The following TNR variants were observed in gnomAD, a reference collection of about 807,000 sequenced individuals.
TNR encodes the protein tenascin R, also known as tenascin-R.
TNR carries 45 observed loss-of-function variants against 150.4 expected under a neutral mutation model. The observed-to-expected ratio is 0.30, with a 90% CI of 0.24 to 0.38. The LOEUF (loss-of-function observed/expected upper bound fraction) is 0.38, where lower values mean the gene tolerates loss of function less well. Ranked by LOEUF, TNR falls within the 10% of genes least tolerant of loss-of-function variation. The pLI, the probability that TNR is intolerant of heterozygous loss-of-function variation, is 1.00. For missense variants in TNR, 1,544 were observed against 1,759.1 expected (o/e 0.88, Z 2.19); for synonymous variants, 687 against 678.4 (o/e 1.01, Z -0.20).
intron 1 of TNR, among the ~76,000 whole-genome samples, chr1:175,708,052 GT>G: frequency 6.7e-6 from 1 of 148,522 alleles, no homozygotes; most frequent in East Asian, 2.0e-4. Context: ...GTGTGTGTGT[GT>G]GTGTGTATTT....
At chr1:175,614,356 G>A (rs531763722) in intron 1 of TNR, among the ~76,000 whole-genome samples, 2 of 152,204 alleles carry the variant, frequency 1.3e-5, no homozygotes, top group South Asian at 2.1e-4. Flanking sequence ...GAGGGAGAGG[G>A]TTTTCTTTCC....
intron 2 of TNR, among the ~76,000 whole-genome samples, chr1:175,471,173 C>T (rs528273132): frequency 4.6e-5 from 7 of 152,274 alleles, no homozygotes; most frequent in East Asian, 1.9e-4. Flanking sequence ...GAAGTTAACA[C>T]GCCGGGCTGA....
chr1:175,347,411 TG>T (rs1650846892), intron 18 of TNR, among the ~76,000 whole-genome samples: 1 of 152,098 alleles, frequency 6.6e-6, no homozygotes, highest in Non-Finnish European at 1.5e-5. Context: ...TAGGCTTTTT[TG>T]TTTGTTTGTT....
At chr1:175,503,411 A>C (rs895281472) in intron 2 of TNR, among the ~76,000 whole-genome samples, 2 of 152,226 alleles carry the variant, frequency 1.3e-5, no homozygotes, top group African/African-American at 4.8e-5. Flanking sequence ...TATTATCTAT[A>C]AATTAGGTAA....
intron 1 of TNR, among the ~76,000 whole-genome samples, chr1:175,617,301 G>A (rs1256094082): frequency 6.6e-6 from 1 of 152,202 alleles, no homozygotes; most frequent in Non-Finnish European, 1.5e-5. Flanking sequence ...TTAGGTGTTG[G>A]TCCCTTGCAC....
intron 7 of TNR, among the ~76,000 whole-genome samples, chr1:175,389,598 A>T (rs1653081389): frequency 6.6e-6 from 1 of 152,178 alleles, no homozygotes; most frequent in Non-Finnish European, 1.5e-5. Context: ...AAAAACAGAC[A>T]ATTTCCCCCA....
chr1:175,530,257 A>G (rs1159686621), intron 1 of TNR, among the ~76,000 whole-genome samples: 1 of 152,168 alleles, frequency 6.6e-6, no homozygotes, highest in Non-Finnish European at 1.5e-5. Flanking sequence ...ACCTGGGGGA[A>G]GTACAGGAAG....
chr1:175,648,089 C>T lies in TNR; in HGVS notation c.-165+95137G>A, dbSNP rs149012901. 1.1e-3 allele frequency among the ~76,000 whole-genome samples: 170 copies of T among 152,070 alleles called. No homozygotes were observed. In the East Asian group the frequency reaches 0.025, roughly 22 times the overall value. ...CTCCACCCATCAGAATTATATTTTA[C>T]GTTCTCTTCTCTCTGCTACCTCTGG... On this transcript the variant is annotated intron_variant, in intron 1 of 22. Coordinates refer to ENST00000367674, the MANE Select transcript of TNR (RefSeq NM_003285.3).
intron 2 of TNR, among the ~76,000 whole-genome samples, chr1:175,515,940 A>G (rs960746305): frequency 2.0e-5 from 3 of 152,198 alleles, no homozygotes; most frequent in Admixed American, 6.5e-5. Flanking sequence ...AAAGTGGCAA[A>G]CCTGGAAGGT....
chr1:175,522,108 C>A (rs1457788766), intron 2 of TNR, among the ~76,000 whole-genome samples: 1 of 152,134 alleles, frequency 6.6e-6, no homozygotes, highest in African/African-American at 2.4e-5. Context: ...TTTATCCACC[C>A]CACTCCACTT....
chr1:175,343,748 C>T (rs1337911675), intron 18 of TNR, among the ~76,000 whole-genome samples: 1 of 152,122 alleles, frequency 6.6e-6, no homozygotes. Flanking sequence ...CCTATCCCTC[C>T]CCTATGGTTA....
chr1:175,494,676 T>C (rs1220985603), intron 2 of TNR, among the ~76,000 whole-genome samples: 1 of 152,202 alleles, frequency 6.6e-6, no homozygotes, highest in Non-Finnish European at 1.5e-5. Flanking sequence ...ACAAGCCCGG[T>C]GGCTCCTTAA....
chr1:175,543,523 C>T (rs1229575933), intron 1 of TNR, among the ~76,000 whole-genome samples: 6 of 152,110 alleles, frequency 3.9e-5, no homozygotes, highest in Non-Finnish European at 5.9e-5. Flanking sequence ...AAAACCTGAC[C>T]ACTGAGCTAA....
intron 1 of TNR, among the ~76,000 whole-genome samples, chr1:175,563,793 C>A (rs1359356075): frequency 2.6e-5 from 4 of 152,194 alleles, no homozygotes; most frequent in Non-Finnish European, 5.9e-5. Context: ...CACTCTCCTG[C>A]CTTCTATTTT....
At chr1:175,457,883 G>A (rs1017995983) in intron 2 of TNR, among the ~76,000 whole-genome samples, 1 of 152,342 alleles carries the variant, frequency 6.6e-6, no homozygotes, top group African/African-American at 2.4e-5. Flanking sequence ...CTGAGGTCCA[G>A]GAACAAAAAT....
chr1:175,348,676 C>A (rs1650912638), intron 18 of TNR, among the ~76,000 whole-genome samples: 1 of 152,058 alleles, frequency 6.6e-6, no homozygotes, highest in African/African-American at 2.4e-5. Flanking sequence ...CAATACAGAA[C>A]AGATGGATTA....
chr1:175,494,805 C>T (rs565815778), intron 2 of TNR, among the ~76,000 whole-genome samples: 6 of 152,246 alleles, frequency 3.9e-5, no homozygotes, highest in East Asian at 3.9e-4. Flanking sequence ...TCAATGATAT[C>T]GAAGAAAAAT....
intron 2 of TNR, among the ~76,000 whole-genome samples, chr1:175,505,642 G>T (rs1330101926): frequency 6.6e-6 from 1 of 152,232 alleles, no homozygotes; most frequent in Non-Finnish European, 1.5e-5. Flanking sequence ...GCCATTGATT[G>T]GCTGTGTGAA....
chr1:175,476,726 C>A (rs1657558088), intron 2 of TNR, among the ~76,000 whole-genome samples: 1 of 152,168 alleles, frequency 6.6e-6, no homozygotes. Context: ...CGGGTAATAA[C>A]ACCATTGTAT....
Sources: allele counts gnomAD v4.1 joint callset (sites outside exome capture counted in the v4.1 genomes callset), GRCh38; gene constraint gnomAD v4.1.1; transcripts MANE v1.5; gene names NCBI Gene and HGNC (gene_info 2026-07-23, HGNC 2026-07-21).